RFX4: variants seen among roughly 807,000 people sequenced by gnomAD.
RFX4 encodes the protein regulatory factor X4.
Under a neutral mutation model 95.0 loss-of-function variants are expected in RFX4, and 10 were observed. That is an observed-to-expected ratio of 0.11 (90% confidence interval 0.06 to 0.18). The LOEUF (loss-of-function observed/expected upper bound fraction) is 0.18, where lower values mean the gene tolerates loss of function less well. Ranked by LOEUF, RFX4 falls within the 10% of genes least tolerant of loss-of-function variation. The pLI, the probability that RFX4 is intolerant of heterozygous loss-of-function variation, is 1.00. For missense variants in RFX4, 640 were observed against 922.0 expected (o/e 0.69, Z 3.96); for synonymous variants, 321 against 340.7 (o/e 0.94, Z 0.64).
At chr12:106,733,249 T>C (rs2042647361) in intron 15 of RFX4, 164 bp downstream of exon 15, 2 of 679,696 alleles carry the variant, frequency 2.9e-6, no homozygotes, top group Non-Finnish European at 2.5e-6. Flanking sequence ...GGTGGGAGAA[T>C]TGCTTGAGCC....
chr12:106,638,747 G>T (rs1252505442), intron 2 of RFX4, among the ~76,000 whole-genome samples: 1 of 152,158 alleles, frequency 6.6e-6, no homozygotes, highest in Non-Finnish European at 1.5e-5. Flanking sequence ...CCACTTTCTG[G>T]TTCATAGATG....
chr12:106,617,233 T>C (rs1171351512), intron 2 of RFX4, among the ~76,000 whole-genome samples: 1 of 152,174 alleles, frequency 6.6e-6, no homozygotes, highest in Non-Finnish European at 1.5e-5. Context: ...TTTATATCTT[T>C]TAAGAATTGC....
chr12:106,678,829 T>C (rs1476063240), intron 4 of RFX4, among the ~76,000 whole-genome samples: 1 of 152,236 alleles, frequency 6.6e-6, no homozygotes, highest in Non-Finnish European at 1.5e-5. Context: ...TTACCATCAT[T>C]TTTAATGGCT....
chr12:106,596,999 T>C (rs945614386), intron 1 of RFX4, among the ~76,000 whole-genome samples: 2 of 152,242 alleles, frequency 1.3e-5, no homozygotes, highest in Non-Finnish European at 2.9e-5. Flanking sequence ...AACTTGTTTG[T>C]ACCTGATAAA....
intron 2 of RFX4, among the ~76,000 whole-genome samples, chr12:106,628,231 C>T (rs1220169876): frequency 6.6e-6 from 1 of 152,104 alleles, no homozygotes; most frequent in Non-Finnish European, 1.5e-5. Flanking sequence ...AAGGACATAC[C>T]GTTTCCTCTG....
At chr12:106,756,951 G>A (rs1042331027) in intron 17 of RFX4, among the ~76,000 whole-genome samples, 31 of 152,124 alleles carry the variant, frequency 2.0e-4, no homozygotes, top group African/African-American at 7.0e-4. Flanking sequence ...CTCAGTGAGT[G>A]CTCAGTAAAT....
At chr12:106,612,334 A>G (rs1293597156) in intron 2 of RFX4, among the ~76,000 whole-genome samples, 1 of 152,120 alleles carries the variant, frequency 6.6e-6, no homozygotes, top group Non-Finnish European at 1.5e-5. Flanking sequence ...TCCTTGGTTA[A>G]ATTTATTCCT....
At chr12:106,694,321 G>A (rs1191930060) in intron 7 of RFX4, among the ~76,000 whole-genome samples, 3 of 152,206 alleles carry the variant, frequency 2.0e-5, no homozygotes, top group Non-Finnish European at 4.4e-5. Context: ...TAGGCATCAG[G>A]GAAGCCTATT....
Position 106,669,826 on chromosome 12 carries a change from G to C in RFX4, c.316-12167G>C, listed in dbSNP as rs558685130. Among the ~76,000 whole-genome samples the C allele has an allele frequency of 9.3e-5, 13 of 139,770 alleles. No homozygotes were observed. In the South Asian group the frequency reaches 2.9e-3, roughly 32 times the overall value. The allele number at this position is 139,770 out of a possible 152,430, so 91.7% of individuals were successfully genotyped here. On this transcript the variant is annotated intron_variant, in intron 4 of 17. Coordinates refer to ENST00000392842, the MANE Select transcript of RFX4 (RefSeq NM_213594.3). ...TGACAGAATGTCTGATTTCACACCA[G>C]GTTTTTTCTAGGGGTGTGTGTGTGT...
chr12:106,645,443 T>C (rs534434936), intron 3 of RFX4, among the ~76,000 whole-genome samples: 1 of 151,260 alleles, frequency 6.6e-6, no homozygotes, highest in Non-Finnish European at 1.5e-5. Flanking sequence ...AGCAATTTAC[T>C]GAAGAAATGA....
At chr12:106,587,207 AC>A (rs1298333971) in intron 1 of RFX4, among the ~76,000 whole-genome samples, 1 of 152,020 alleles carries the variant, frequency 6.6e-6, no homozygotes, top group East Asian at 1.9e-4. Context: ...GCGCTTTCCT[AC>A]CCGGCCTGCA....
At chr12:106,608,459 T>C (rs2039884214) in intron 1 of RFX4, among the ~76,000 whole-genome samples, 1 of 152,250 alleles carries the variant, frequency 6.6e-6, no homozygotes, top group Admixed American at 6.5e-5. Context: ...TACAAACTGC[T>C]ACTCAGGAAC....
intron 1 of RFX4, among the ~76,000 whole-genome samples, chr12:106,606,306 C>A (rs2039832706): frequency 6.6e-6 from 1 of 152,044 alleles, no homozygotes; most frequent in African/African-American, 2.4e-5. Context: ...GTATACCTAT[C>A]TAGGAAGACC....
At chr12:106,615,136 A>C (rs2040048350) in intron 2 of RFX4, among the ~76,000 whole-genome samples, 1 of 152,176 alleles carries the variant, frequency 6.6e-6, no homozygotes, top group South Asian at 2.1e-4. Context: ...TTATATCAAT[A>C]GTTCATCTGG....
At chr12:106,674,514 A>G (rs1208315152) in intron 4 of RFX4, among the ~76,000 whole-genome samples, 1 of 152,038 alleles carries the variant, frequency 6.6e-6, no homozygotes, top group Non-Finnish European at 1.5e-5. Flanking sequence ...TATTTTTAGT[A>G]GAGACGGGGT....
Position 106,654,224 on chromosome 12 carries a change from C to G in RFX4, c.192-4C>G, listed in dbSNP as rs370686486. 1.9e-6 allele frequency: 3 copies of G among 1,613,896 alleles called. No homozygotes were observed. Among genetic ancestry groups the G allele is most frequent in the Non-Finnish European group, 2.5e-6 (3 of 1,179,888 alleles). On this transcript the variant is annotated splice_region_variant and splice_polypyrimidine_tract_variant and intron_variant, in intron 3 of 17. Transcript: ENST00000392842. ...TTTTGCTCATTGGGCGTTTATTTCC[C>G]TAGGCTGGAGGAGAACTATGAGATT...
chr12:106,598,565 A>C (rs1192344547), intron 1 of RFX4, among the ~76,000 whole-genome samples: 3 of 152,226 alleles, frequency 2.0e-5, no homozygotes, highest in Admixed American at 1.3e-4. Flanking sequence ...TAATTTCTGC[A>C]GTAGACTTAC....
chr12:106,687,224 AC>A (rs1469203291), intron 6 of RFX4, 127 bp downstream of exon 6: 20 of 695,158 alleles, frequency 2.9e-5, no homozygotes, highest in Non-Finnish European at 4.4e-5. Context: ...ACACACACAC[AC>A]ATTTATTGCA....
At position 106,696,333 on chromosome 12, in the gene RFX4, G is replaced by C; in HGVS notation, c.720G>C (p.Leu240=). The stretch of plus-strand genomic sequence containing the variant: ...GGCAAGGAATGCCGCCCCACATGCT[G>C]CCTGTGCTGGGCTCCTCCACGGTGG... ...HFWQGMPPHM[L]PVLGSSTVVN... is the part of the protein sequence containing the mutation. The change falls in exon 8 of 18, where the codon CTG becomes CTC. Residue 240 remains leucine, a synonymous_variant. Transcript: ENST00000392842. 1 of 1,614,202 alleles carries C rather than the reference G, an allele frequency of 6.2e-7. No individual in the cohort carries two copies. Among genetic ancestry groups the C allele is most frequent in the Non-Finnish European group, 8.5e-7 (1 of 1,180,036 alleles).
Sources: allele counts gnomAD v4.1 joint callset (sites outside exome capture counted in the v4.1 genomes callset), GRCh38; gene constraint gnomAD v4.1.1; transcripts MANE v1.5; gene names NCBI Gene and HGNC (gene_info 2026-07-23, HGNC 2026-07-21).